The following CFAP299 variants were observed in gnomAD, a reference collection of about 807,000 sequenced individuals.
The protein encoded by CFAP299 is cilia- and flagella-associated protein 299.
In CFAP299, 21 loss-of-function variants were observed where a neutral mutation model predicts 27.0. The ratio of observed to expected loss-of-function variants is 0.78; its 90% CI spans 0.55 to 1.12. The LOEUF is 1.12. CFAP299 is among the 50% of genes most tolerant of loss of function. The pLI is 0.00. For missense variants in CFAP299, 310 were observed against 276.6 expected (o/e 1.12, Z -0.86); for synonymous variants, 104 against 98.1 (o/e 1.06, Z -0.36).
chr4:80,604,909 T>G (rs1414284123), intron 3 of CFAP299, among the ~76,000 whole-genome samples: 2 of 128,688 alleles, frequency 1.6e-5, no homozygotes, highest in Non-Finnish European at 3.3e-5. Context: ...AAAAAACATG[T>G]AATCCTAGGA....
At chr4:80,501,093 G>A (rs1159698505) in intron 2 of CFAP299, among the ~76,000 whole-genome samples, 1 of 152,130 alleles carries the variant, frequency 6.6e-6, no homozygotes, top group Non-Finnish European at 1.5e-5. Flanking sequence ...AAAATGTGTG[G>A]TCATAGATAA....
At chr4:80,632,349 C>T (rs903451450) in intron 3 of CFAP299, among the ~76,000 whole-genome samples, 21 of 152,062 alleles carry the variant, frequency 1.4e-4, no homozygotes, top group African/African-American at 5.1e-4. Context: ...TTTGCTCATT[C>T]ATTCAATAAA....
At chr4:80,799,127 A>G (rs1409943895) in intron 3 of CFAP299, among the ~76,000 whole-genome samples, 1 of 121,080 alleles carries the variant, frequency 8.3e-6, no homozygotes, top group East Asian at 3.1e-4. Context: ...ATATTTATAC[A>G]ATATTTATAT....
chr4:80,569,156 T>C (rs991884644), intron 2 of CFAP299, among the ~76,000 whole-genome samples: 1 of 152,090 alleles, frequency 6.6e-6, no homozygotes, highest in Admixed American at 6.6e-5. Flanking sequence ...GTGAACATTC[T>C]GAACCCTGTT....
intron 4 of CFAP299, among the ~76,000 whole-genome samples, chr4:80,908,979 G>A (rs549345955): frequency 8.5e-4 from 129 of 152,084 alleles, no homozygotes; most frequent in African/African-American, 3.0e-3. Context: ...TGAGAGACAC[G>A]TTTACTTTAA....
At chr4:80,719,814 T>C (rs1010758294) in intron 3 of CFAP299, among the ~76,000 whole-genome samples, 1 of 152,164 alleles carries the variant, frequency 6.6e-6, no homozygotes, top group African/African-American at 2.4e-5. Flanking sequence ...TTTCTCTATG[T>C]AAGGCACTTC....
intron 2 of CFAP299, among the ~76,000 whole-genome samples, chr4:80,546,688 G>A (rs975349632): frequency 6.6e-6 from 1 of 151,898 alleles, no homozygotes; most frequent in African/African-American, 2.4e-5. Context: ...GTAATGTGTG[G>A]CACTTCACTC....
At chr4:80,870,265 A>G in intron 4 of CFAP299, 130 bp downstream of exon 4, 1 of 1,298,900 alleles carries the variant, frequency 7.7e-7, no homozygotes. Context: ...TAATATGAAA[A>G]TAACTAAATC....
chr4:80,424,116 C>T (rs188802533), intron 2 of CFAP299, among the ~76,000 whole-genome samples: 38 of 152,192 alleles, frequency 2.5e-4, no homozygotes, highest in African/African-American at 8.9e-4. Flanking sequence ...AGTCTTAAGC[C>T]ATTTTGGAAG....
At chr4:80,423,163 CT>C (rs1031539748) in intron 2 of CFAP299, among the ~76,000 whole-genome samples, 1 of 152,144 alleles carries the variant, frequency 6.6e-6, no homozygotes, top group Admixed American at 6.5e-5. Context: ...TGACAAGAAC[CT>C]TGTTATGTGG....
At chr4:80,465,046 A>G (rs1234611491) in intron 2 of CFAP299, among the ~76,000 whole-genome samples, 2 of 152,146 alleles carry the variant, frequency 1.3e-5, no homozygotes, top group East Asian at 1.9e-4. Flanking sequence ...GTTATAATTT[A>G]TATAAGGATA....
At chr4:80,819,788 A>T (rs896375689) in intron 3 of CFAP299, among the ~76,000 whole-genome samples, 1 of 152,178 alleles carries the variant, frequency 6.6e-6, no homozygotes, top group Admixed American at 6.5e-5. Flanking sequence ...CTGAAAAAAC[A>T]GTCTTATATT....
At chr4:80,795,595 C>T (rs1038890245) in intron 3 of CFAP299, among the ~76,000 whole-genome samples, 13 of 152,126 alleles carry the variant, frequency 8.5e-5, no homozygotes, top group African/African-American at 2.7e-4. Context: ...GAGTGGAGAC[C>T]GTGGGCATTT....
chr4:80,479,476 A>C (rs1013249348), intron 2 of CFAP299, among the ~76,000 whole-genome samples: 2 of 152,060 alleles, frequency 1.3e-5, no homozygotes, highest in Admixed American at 1.3e-4. Context: ...GCCAACATGC[A>C]TACAAAAAGC....
At chr4:80,908,935 A>G (rs28557356) in intron 4 of CFAP299, among the ~76,000 whole-genome samples, 50,254 of 151,886 alleles carry the variant, frequency 0.33, 13,043 homozygotes, top group African/African-American at 0.72. Flanking sequence ...CACACATTCT[A>G]CCTTAGTTCT....
At chr4:80,695,474 T>C (rs959884938) in intron 3 of CFAP299, among the ~76,000 whole-genome samples, 1 of 152,178 alleles carries the variant, frequency 6.6e-6, no homozygotes, top group Non-Finnish European at 1.5e-5. Flanking sequence ...GTCCTACTCA[T>C]CTACATGGAG....
At chr4:80,894,849 ACAC>A (rs1734537078) in intron 4 of CFAP299, among the ~76,000 whole-genome samples, 1 of 151,848 alleles carries the variant, frequency 6.6e-6, no homozygotes, top group Admixed American at 6.6e-5. Context: ...AAAGAAGAAA[ACAC>A]TATTATTTTT....
At chr4:80,769,618 C>G (rs994991670) in intron 3 of CFAP299, among the ~76,000 whole-genome samples, 6 of 152,056 alleles carry the variant, frequency 3.9e-5, no homozygotes, top group Non-Finnish European at 8.8e-5. Context: ...GGTATGGAAC[C>G]TCTGCACACA....
chr4:80,374,695 G>A (rs1410133587), intron 2 of CFAP299, among the ~76,000 whole-genome samples: 1 of 152,048 alleles, frequency 6.6e-6, no homozygotes, highest in Non-Finnish European at 1.5e-5. Context: ...CACTGTGACT[G>A]TCAAATCCTG....
Sources: gnomAD v4.1 joint callset for allele counts (sites outside exome capture counted in the v4.1 genomes callset) on GRCh38, gnomAD v4.1.1 for gene constraint, MANE v1.5 for transcripts, NCBI Gene and HGNC (gene_info 2026-07-23, HGNC 2026-07-21) for gene names.